Variants in CP observed in about 807,000 individuals in gnomAD.
CP encodes the protein caeruloplasmin.
Under a neutral mutation model 122.4 loss-of-function variants are expected in CP, and 64 were observed. That is an observed-to-expected ratio of 0.52 (90% confidence interval 0.43 to 0.64). The LOEUF is 0.64. CP is among the 30% of genes least tolerant of loss of function. The pLI is 0.00. For synonymous variants in CP, 440 were observed against 436.4 expected, an observed-to-expected ratio of 1.01 and a Z score of -0.10; for missense variants, 1,167 against 1,284.4, an observed-to-expected ratio of 0.91 and a Z score of 1.40.
At chr3:149,175,436 T>A (rs1265552510) in intron 18 of CP, among the ~76,000 whole-genome samples, 1 of 152,222 alleles carries the variant, frequency 6.6e-6, no homozygotes, top group Non-Finnish European at 1.5e-5. Flanking sequence ...CAGGGCTTTT[T>A]AAATCTTCAA....
chr3:149,198,419 A>T lies in CP; in HGVS notation c.1661T>A (p.Ile554Asn), dbSNP rs780799475. ...TTTCTTGCATATTTTCATTGGCCCA[A>T]TAAGCCCAGTGAATATATCTTTAGT... ...EPTKDIFTGLIGPMKICKKGS... is the reference protein window; with the variant it reads ...EPTKDIFTGLNGPMKICKKGS... The change falls in exon 9 of 19, where the codon ATT becomes AAT. Residue 554 changes from isoleucine (I) to asparagine (N), a missense_variant. Transcript: ENST00000264613. 6.2e-7 allele frequency: 1 copy of T among 1,613,840 alleles called. No individual in the cohort carries two copies. Among genetic ancestry groups the T allele is most frequent in the Non-Finnish European group, 8.5e-7 (1 of 1,179,742 alleles).
intron 9 of CP, among the ~76,000 whole-genome samples, chr3:149,194,198 T>C (rs1726732928): frequency 7.5e-6 from 1 of 133,418 alleles, no homozygotes; most frequent in Admixed American, 7.0e-5. Context: ...GTAGAAAACC[T>C]TTTTTTTTTC....
Position 149,196,192 on chromosome 3 carries a change from T to C in CP, c.1713+2175A>G, listed in dbSNP as rs534577109. Among the ~76,000 whole-genome samples, 10 of 152,312 alleles carry C rather than the reference T, an allele frequency of 6.6e-5. No homozygotes were observed. The East Asian group carries it at 1.9e-3, about 29-fold the overall frequency. On this transcript the variant is annotated intron_variant, in intron 9 of 18. Coordinates refer to ENST00000264613, the MANE Select transcript of CP (RefSeq NM_000096.4). ...TGATTCTGAGACTGTTGTATGTATA[T>C]TGTGGGATGAATCAAATGAATATGT...
chr3:149,215,149 T>C (rs1239874397), intron 1 of CP, among the ~76,000 whole-genome samples: 1 of 152,232 alleles, frequency 6.6e-6, no homozygotes, highest in East Asian at 1.9e-4. Flanking sequence ...AAGTTAGCCC[T>C]CAAATTCTTA....
intron 5 of CP, among the ~76,000 whole-genome samples, chr3:149,163,097 T>C (rs779931813): frequency 1.3e-5 from 2 of 152,238 alleles, no homozygotes; most frequent in Non-Finnish European, 2.9e-5. Context: ...TACTTATTAA[T>C]GTCCCTCACT....
At chr3:149,189,553 C>CAAA (rs368946126) in intron 9 of CP, among the ~76,000 whole-genome samples, 3 of 89,320 alleles carry the variant, frequency 3.4e-5, no homozygotes, top group Non-Finnish European at 7.5e-5. Flanking sequence ...GACTCTATCT[C>CAAA]AAAAAAAAAA....
At position 149,202,102 on chromosome 3, in the gene CP, C is replaced by A; in HGVS notation, c.1348G>T (p.Gly450Cys). The change falls in exon 7 of 19, where the codon GGT (glycine) becomes TGT (cysteine). Residue 450 changes from glycine (G) to cysteine (C), a missense_variant and splice_region_variant. Around this residue, in one of 2 missense-constraint regions of CP, gnomAD observed 642 missense variants for 627.3 expected, o/e 1.02. Transcript: ENST00000264613. The part of the protein sequence containing the change: ...GPEEEHLGIL[G>C]PVIWAEVGDT... The stretch of plus-strand genomic sequence containing the variant: ...CCATATATATTCTGCAAGAACTCAC[C>A]CAGGATGCCAAGATGCTCTTCTTCA... The A allele has an allele frequency of 6.2e-7, 1 of 1,613,946 alleles. No individual in the cohort carries two copies. Among genetic ancestry groups the A allele is most frequent in the Non-Finnish European group, 8.5e-7 (1 of 1,179,922 alleles).
rs749646388 is a variant in CP at position 149,181,997 on chromosome 3, G to A, written c.2554+8C>T. ...ATGCACCACCCCCACCCCCGCCCCC[G>A]TGAGTACCTGGTAATGTTGGAGTAA... is the stretch of plus-strand genomic sequence containing the variant. On this transcript the variant is annotated splice_region_variant and intron_variant, in intron 14 of 18. Coordinates refer to ENST00000264613, the MANE Select transcript of CP (RefSeq NM_000096.4). The A allele has an allele frequency of 7.5e-5, 55 of 734,808 alleles. No individual in the cohort carries two copies. Among genetic ancestry groups the A allele is most frequent in the Middle Eastern group, 5.1e-4 (1 of 1,970 alleles). The allele number at this position is 734,808 out of a possible 1,614,324, so 45.5% of individuals were successfully genotyped here. A position where few individuals can be genotyped will look rare whatever the true frequency, so the allele number is the denominator to read the frequency against.
intron 9 of CP, among the ~76,000 whole-genome samples, chr3:149,190,574 C>T (rs1481521599): frequency 2.0e-5 from 3 of 148,964 alleles, no homozygotes; most frequent in Non-Finnish European, 4.4e-5. Flanking sequence ...ACAAGAATCA[C>T]TTGAACCCAG....
chr3:149,190,502 AC>A (rs1470676454), intron 9 of CP, among the ~76,000 whole-genome samples: 1 of 152,094 alleles, frequency 6.6e-6, no homozygotes, highest in East Asian at 1.9e-4. Flanking sequence ...TACTAAAAAT[AC>A]AAAAATTAGC....
Position 149,184,024 on chromosome 3 carries a change from A to C in CP, c.2286-419T>G, listed in dbSNP as rs865987966. On this transcript the variant is annotated intron_variant, in intron 12 of 18. Coordinates refer to ENST00000264613, the MANE Select transcript of CP (RefSeq NM_000096.4). ...TTTCCCAGGCATTCCCTTTTCACTT[A>C]CTTCTTTTTTTTTTTTTTTTTTTTT... Among the ~76,000 whole-genome samples the C allele has an allele frequency of 4.3e-3, 303 of 70,068 alleles. 34 individuals carry two copies. The highest frequency in any genetic ancestry group is 5.2e-3 in the Admixed American group (32 of 6,162). 46.0% of individuals were successfully genotyped at this position (70,068 alleles called of 152,430 possible).
At position 149,207,631 on chromosome 3, in the gene CP, G is replaced by A. The variant is rs34067682; in HGVS notation, c.782-14C>T. Reference sequence around the variant, plus strand: ...ATCCATTCACAGCTGTAAGTCAAGAGCAGAGTTTGTGACTAAGAGTCATTA... The same window carrying A: ...ATCCATTCACAGCTGTAAGTCAAGAACAGAGTTTGTGACTAAGAGTCATTA... On this transcript the variant is annotated splice_polypyrimidine_tract_variant and intron_variant, in intron 4 of 18. Coordinates refer to ENST00000264613, the MANE Select transcript of CP (RefSeq NM_000096.4). 0.044 allele frequency: 71,032 copies of A among 1,613,124 alleles called. 1,691 individuals carry two copies. The highest frequency in any genetic ancestry group is 0.078 in the African/African-American group (5,857 of 75,002).
At chr3:149,163,376 C>T (rs955914350) in intron 5 of CP, among the ~76,000 whole-genome samples, 3 of 152,110 alleles carry the variant, frequency 2.0e-5, no homozygotes. Context: ...TTCTTGCTAC[C>T]GTTCTTGCTC....
At position 149,184,398 on chromosome 3, in the gene CP, A is replaced by G. The variant is rs540171388; in HGVS notation, c.2286-793T>C. On this transcript the variant is annotated intron_variant, in intron 12 of 18. Coordinates refer to ENST00000264613, the MANE Select transcript of CP (RefSeq NM_000096.4). ...ACCATTTTACCCCAATTACAAAATAAAAGTTTACTCCTTTACACTGCAAAC... is the reference window on the plus strand; with the variant it reads ...ACCATTTTACCCCAATTACAAAATAGAAGTTTACTCCTTTACACTGCAAAC... Among the ~76,000 whole-genome samples the G allele has an allele frequency of 1.0e-3, 155 of 152,242 alleles. 2 individuals carry two copies. The Middle Eastern group carries it at 0.014, about 13-fold the overall frequency.
chr3:149,209,413 A>C, intron 3 of CP, 29 bp from the exon 4 acceptor site: 1 of 1,596,260 alleles, frequency 6.3e-7, no homozygotes. Context: ...TTTTAGCAAG[A>C]CTAAACTTTT....
At chr3:149,211,327 C>G (rs1363603111) in intron 2 of CP, among the ~76,000 whole-genome samples, 1 of 152,072 alleles carries the variant, frequency 6.6e-6, no homozygotes, top group Non-Finnish European at 1.5e-5. Context: ...ACTATGTATT[C>G]TTATTATCTC....
At chr3:149,170,910 G>A (rs749841932), downstream of CP, among the ~76,000 whole-genome samples, 2 of 152,150 alleles carry the variant, frequency 1.3e-5, no homozygotes, top group Non-Finnish European at 2.9e-5. Flanking sequence ...GGAGAGGGCA[G>A]CATGTATCTG....
At chr3:149,199,110 G>A (rs895180110) in intron 8 of CP, among the ~76,000 whole-genome samples, 1 of 152,026 alleles carries the variant, frequency 6.6e-6, no homozygotes, top group East Asian at 1.9e-4. Context: ...AGTCTTCACT[G>A]GTCCTTCTTG....
chr3:149,194,756 C>A (rs1726785916), intron 9 of CP, among the ~76,000 whole-genome samples: 3 of 152,154 alleles, frequency 2.0e-5, no homozygotes, highest in African/African-American at 7.2e-5. Context: ...CCTACTTTAA[C>A]TTATACATTT....
Sources: gnomAD v4.1 joint callset for allele counts (sites outside exome capture counted in the v4.1 genomes callset) on GRCh38, gnomAD v4.1.1 for gene constraint, gnomAD v4.1.1 regional missense constraint, MANE v1.5 for transcripts, NCBI Gene and HGNC (gene_info 2026-07-23, HGNC 2026-07-21) for gene names.